The following CTNNA2 variants were observed in gnomAD, a reference collection of about 807,000 sequenced individuals.
CTNNA2 encodes the protein catenin alpha-2.
A neutral mutation model predicts 101.0 loss-of-function variants in CTNNA2; 42 were observed. The ratio of observed to expected loss-of-function variants is 0.42; its 90% confidence interval spans 0.32 to 0.54. CTNNA2 has a LOEUF of 0.54. Among genes scored for constraint, CTNNA2 ranks in the 20% least tolerant of loss-of-function variants. The pLI, the probability that CTNNA2 is intolerant of heterozygous loss-of-function variation, is 0.14. For synonymous variants in CTNNA2, 450 were observed against 456.4 expected (o/e 0.99, Z 0.18); for missense variants, 871 against 1,223.1 (o/e 0.71, Z 4.29).
At position 80,303,967 on chromosome 2, in the gene CTNNA2, AC is replaced by A. The variant is rs1024845860; in HGVS notation, c.1057-89238del. On this transcript the variant is annotated intron_variant, in intron 7 of 18. Coordinates refer to ENST00000402739, the MANE Select transcript of CTNNA2 (RefSeq NM_001282597.3). This position sits in a 1 kb window ranked among gnomAD's most constrained non-coding sequence, Gnocchi z 7.7. ...AATAAATACATAGAAATAAAGAAGG[AC>A]CCCCCTCCCCAAAAACCACACGTTC... is the stretch of plus-strand genomic sequence containing the variant. The A allele has an allele frequency of 2.6e-5, 23 of 891,860 alleles. No homozygotes were observed. Among genetic ancestry groups the A allele is most frequent in the South Asian group, 1.1e-4 (3 of 27,928 alleles). The allele number at this position is 891,860 out of a possible 1,614,324, so 55.2% of individuals were successfully genotyped here. A position where few individuals can be genotyped will look rare whatever the true frequency, so the allele number is the denominator to read the frequency against.
intron 7 of CTNNA2, among the ~76,000 whole-genome samples, chr2:80,069,900 T>C (rs902105665): frequency 1.3e-5 from 2 of 152,244 alleles, no homozygotes; most frequent in African/African-American, 4.8e-5. Context: ...CAAATCTTTA[T>C]GCCTGAAGGG....
chr2:80,474,632 G>A (rs1685575760), intron 9 of CTNNA2, among the ~76,000 whole-genome samples: 2 of 152,014 alleles, frequency 1.3e-5, no homozygotes, highest in Non-Finnish European at 2.9e-5. Context: ...TTATTATCTA[G>A]ATAATGACTG....
chr2:80,481,161 A>C (rs756501456), intron 9 of CTNNA2, among the ~76,000 whole-genome samples: 1 of 152,154 alleles, frequency 6.6e-6, no homozygotes, highest in Non-Finnish European at 1.5e-5. Flanking sequence ...GAATGACAGT[A>C]ACTCTGGTGG....
intron 2 of CTNNA2, among the ~76,000 whole-genome samples, chr2:79,310,096 C>T (rs567082555): frequency 1.3e-5 from 2 of 152,012 alleles, no homozygotes; most frequent in African/African-American, 4.8e-5. Context: ...TATCCAATAG[C>T]CTGTTTATTC....
intron 7 of CTNNA2, among the ~76,000 whole-genome samples, chr2:80,220,004 C>CAACCAACA (rs1200943902): frequency 6.6e-6 from 1 of 152,086 alleles, no homozygotes; most frequent in Non-Finnish European, 1.5e-5. Context: ...ACAAAAACCA[C>CAACCAACA]AACCAACAAA....
chr2:79,808,698 A>G (rs879766577), intron 3 of CTNNA2, among the ~76,000 whole-genome samples: 1 of 152,090 alleles, frequency 6.6e-6, no homozygotes, highest in Non-Finnish European at 1.5e-5. Flanking sequence ...TAAGCATTAC[A>G]TTTAGATTTT....
chr2:80,111,097 T>A (rs1701183735), intron 7 of CTNNA2, among the ~76,000 whole-genome samples: 1 of 152,010 alleles, frequency 6.6e-6, no homozygotes, highest in South Asian at 2.1e-4. Context: ...AACTCACTCA[T>A]TATCACAAAA....
intron 2 of CTNNA2, among the ~76,000 whole-genome samples, chr2:79,663,644 T>TA (rs1398043305): frequency 6.6e-6 from 1 of 152,130 alleles, no homozygotes; most frequent in Non-Finnish European, 1.5e-5. Flanking sequence ...TCTTTTTTTT[T>TA]AAAGTACATG....
Position 79,818,821 on chromosome 2 carries a change from T to TTATATA in CTNNA2, c.299-39170_299-39165dup, listed in dbSNP as rs372924495. Among the ~76,000 whole-genome samples, 27 of 74,258 alleles carry TTATATA rather than the reference T, an allele frequency of 3.6e-4. 1 individual carries two copies. The highest frequency in any genetic ancestry group is 5.3e-4 in the Non-Finnish European group (23 of 43,300). The allele number at this position is 74,258 out of a possible 152,430, so 48.7% of individuals were successfully genotyped here. ...ATATACTTCAGGATCCAAAATGCAA[T>TTATATA]TATATATATATATATATATATATAT... is the stretch of plus-strand genomic sequence containing the variant. On this transcript the variant is annotated intron_variant, in intron 3 of 18. Transcript: ENST00000402739.
chr2:80,432,324 A>C (rs1681616600), intron 9 of CTNNA2, among the ~76,000 whole-genome samples: 1 of 152,218 alleles, frequency 6.6e-6, no homozygotes, highest in Non-Finnish European at 1.5e-5. Context: ...TGTAAAATAC[A>C]ACATGAGCAT....
chr2:79,376,091 G>C (rs746782177), intron 4 of CTNNA2, among the ~76,000 whole-genome samples: 4 of 152,158 alleles, frequency 2.6e-5, no homozygotes, highest in Admixed American at 6.5e-5. Flanking sequence ...GGAGAAAGCT[G>C]CATGTAGAAG....
intron 7 of CTNNA2, among the ~76,000 whole-genome samples, chr2:80,176,407 T>C (rs1044905083): frequency 7.2e-5 from 11 of 152,204 alleles, no homozygotes; most frequent in African/African-American, 2.4e-4. Context: ...AGCTGAAACA[T>C]GTTCATAACA....
In CTNNA2 at chr2:80,619,215, G is replaced by C. The variant is rs1699105033; in HGVS notation, c.2561G>C (p.Ser854Thr). Residue 854 changes from serine to threonine, a missense_variant, in exon 18 of 19, where the codon AGT becomes ACT. Physicochemically the swap from Ser to Thr is moderately conservative, Grantham distance 58 (BLOSUM62 1). Coordinates refer to ENST00000402739, the MANE Select transcript of CTNNA2 (RefSeq NM_001282597.3). Reference sequence around the variant, plus strand: ...GGAGCTCCGATCGGGAGTGGAAGCAGTGATTCCTCCATGGTGAGTAAATTG... The same window carrying C: ...GGAGCTCCGATCGGGAGTGGAAGCACTGATTCCTCCATGGTGAGTAAATTG... ...AEGAPIGSGS[S>T]DSSMLDSATS... 1.3e-6 allele frequency: 2 copies of C among 1,575,616 alleles called. No homozygotes were observed. The highest frequency in any genetic ancestry group is 1.7e-6 in the Non-Finnish European group (2 of 1,161,786).
At chr2:80,363,004 C>CAA (rs35779761) in intron 7 of CTNNA2, among the ~76,000 whole-genome samples, 7 of 114,440 alleles carry the variant, frequency 6.1e-5, no homozygotes, top group Non-Finnish European at 8.2e-5. Flanking sequence ...GACATCGTCT[C>CAA]AAAAAAAAAA....
chr2:80,624,953 A>G (rs1671533882), intron 18 of CTNNA2, among the ~76,000 whole-genome samples: 1 of 151,960 alleles, frequency 6.6e-6, no homozygotes, highest in African/African-American at 2.4e-5. Context: ...TGTTACACCA[A>G]CTAAAGCAAA....
At chr2:80,606,412 A>C (rs201346431) in intron 16 of CTNNA2, among the ~76,000 whole-genome samples, 1,215 of 48,604 alleles carry the variant, frequency 0.025, 21 homozygotes, top group East Asian at 0.22. Context: ...ACACACACAC[A>C]CCCCCCAGGA....
chr2:80,523,129 T>A (rs1689716344), intron 9 of CTNNA2, among the ~76,000 whole-genome samples: 3 of 152,056 alleles, frequency 2.0e-5, no homozygotes, highest in Admixed American at 2.0e-4. Flanking sequence ...AACAAGGAAG[T>A]ATTGAATAGG....
At chr2:79,593,211 A>G (rs1298234493) in intron 1 of CTNNA2, among the ~76,000 whole-genome samples, 1 of 152,158 alleles carries the variant, frequency 6.6e-6, no homozygotes, top group Admixed American at 6.5e-5. Context: ...AATGACTCTA[A>G]TGAGTACTCA....
At chr2:79,838,989 T>A (rs1679601010) in intron 3 of CTNNA2, among the ~76,000 whole-genome samples, 1 of 152,100 alleles carries the variant, frequency 6.6e-6, no homozygotes, top group South Asian at 2.1e-4. Context: ...GGGCGCTTAC[T>A]ATGTGCCAGC....
Sources: allele counts gnomAD v4.1 joint callset (sites outside exome capture counted in the v4.1 genomes callset), GRCh38; gene constraint gnomAD v4.1.1; non-coding constraint Gnocchi (gnomAD v3.1); transcripts MANE v1.5; gene names NCBI Gene and HGNC (gene_info 2026-07-23, HGNC 2026-07-21).